Variants in CNTNAP5 observed in about 807,000 individuals in gnomAD.
CNTNAP5 encodes contactin-associated protein-like 5.
In CNTNAP5, 72 loss-of-function variants were observed where a neutral mutation model predicts 150.2. The ratio of observed to expected loss-of-function variants is 0.48; its 90% confidence interval spans 0.40 to 0.58. The LOEUF (loss-of-function observed/expected upper bound fraction) is 0.58, where lower values mean the gene tolerates loss of function less well. Ranked by LOEUF, CNTNAP5 falls within the 20% of genes least tolerant of loss-of-function variation. The probability of loss-of-function intolerance (pLI) is 0.00; values close to 1 mark genes in which losing one functional copy is unlikely to be tolerated. For synonymous variants in CNTNAP5, 672 were observed against 619.8 expected (o/e 1.08, Z -1.25); for missense variants, 1,636 against 1,626.2 (o/e 1.01, Z -0.10).
intron 1 of CNTNAP5, among the ~76,000 whole-genome samples, chr2:124,200,442 T>C (rs1316122651): frequency 6.6e-6 from 1 of 152,198 alleles, no homozygotes; most frequent in East Asian, 1.9e-4. Flanking sequence ...TAATCTTGTT[T>C]AGACTAACCT....
intron 7 of CNTNAP5, among the ~76,000 whole-genome samples, chr2:124,490,853 T>G (rs1694007616): frequency 6.6e-6 from 1 of 152,110 alleles, no homozygotes; most frequent in Non-Finnish European, 1.5e-5. Context: ...ATAAATTAAG[T>G]TACTCTGTTT....
chr2:124,136,126 T>C lies in CNTNAP5; in HGVS notation c.83-85579T>C, dbSNP rs142300979. Among the ~76,000 whole-genome samples the C allele has an allele frequency of 5.3e-4, 80 of 152,346 alleles. 1 individual carries two copies. In the East Asian group the frequency reaches 7.5e-3, roughly 14 times the overall value. ...TAAATAGAGACACCTATTTTTTCCC[T>C]GAGAATGTAATCTTGTCTTGTAATC... is the stretch of plus-strand genomic sequence containing the variant. On this transcript the variant is annotated intron_variant, in intron 1 of 23. Coordinates refer to ENST00000682447, the MANE Select transcript of CNTNAP5 (RefSeq NM_001367498.1).
At chr2:124,156,037 TA>T (rs1410195506) in intron 1 of CNTNAP5, among the ~76,000 whole-genome samples, 1 of 152,186 alleles carries the variant, frequency 6.6e-6, no homozygotes, top group Non-Finnish European at 1.5e-5. Flanking sequence ...AAAGTGCATC[TA>T]AAAAAGGGTT....
At chr2:124,269,698 C>T (rs780031) in intron 3 of CNTNAP5, among the ~76,000 whole-genome samples, 44,755 of 152,048 alleles carry the variant, frequency 0.29, 7,210 homozygotes, top group Admixed American at 0.38. Flanking sequence ...GGCAGCTGCA[C>T]AATTGGTAGC....
At chr2:124,400,886 T>C (rs1434376787) in intron 3 of CNTNAP5, among the ~76,000 whole-genome samples, 1 of 152,038 alleles carries the variant, frequency 6.6e-6, no homozygotes, top group Non-Finnish European at 1.5e-5. Flanking sequence ...ATTACTTTTT[T>C]TTTGAGACCG....
chr2:124,748,133 C>A (rs1680648874), intron 14 of CNTNAP5, among the ~76,000 whole-genome samples: 1 of 152,028 alleles, frequency 6.6e-6, no homozygotes, highest in Non-Finnish European at 1.5e-5. Context: ...CCAGCCTTCC[C>A]TTTTGCTACC....
At chr2:124,451,051 A>AAAT (rs1360743225) in intron 6 of CNTNAP5, among the ~76,000 whole-genome samples, 49 of 65,288 alleles carry the variant, frequency 7.5e-4, no homozygotes, top group Non-Finnish European at 1.1e-3. Context: ...AAAAAAAAAA[A>AAAT]ATATATATAT....
chr2:124,027,586 A>G (rs185548446), intron 1 of CNTNAP5, among the ~76,000 whole-genome samples: 107 of 152,356 alleles, frequency 7.0e-4, no homozygotes, highest in Admixed American at 1.6e-3. Flanking sequence ...GTGTTTTAAA[A>G]ATGCTCATAA....
At chr2:124,054,733 C>A (rs1359683199) in intron 1 of CNTNAP5, among the ~76,000 whole-genome samples, 1 of 152,166 alleles carries the variant, frequency 6.6e-6, no homozygotes, top group Non-Finnish European at 1.5e-5. Flanking sequence ...ATATAACTCA[C>A]AGCACTCAAG....
chr2:124,122,639 AAGTCAC>A (rs1683591391), intron 1 of CNTNAP5, among the ~76,000 whole-genome samples: 1 of 152,184 alleles, frequency 6.6e-6, no homozygotes, highest in Admixed American at 6.6e-5. Flanking sequence ...GAAAAGGCAC[AAGTCAC>A]AGAGCTTCGA....
intron 3 of CNTNAP5, among the ~76,000 whole-genome samples, chr2:124,330,845 A>G (rs1689333792): frequency 6.6e-6 from 1 of 152,208 alleles, no homozygotes; most frequent in African/African-American, 2.4e-5. Context: ...AATGCTTAAA[A>G]AATGTCTTTT....
At chr2:124,432,391 C>T (rs1323960948) in intron 4 of CNTNAP5, among the ~76,000 whole-genome samples, 1 of 152,120 alleles carries the variant, frequency 6.6e-6, no homozygotes, top group East Asian at 1.9e-4. Context: ...ACACTGGGTC[C>T]CTCCTTTCCC....
chr2:124,858,702 G>A (rs956592688), intron 19 of CNTNAP5, among the ~76,000 whole-genome samples: 1 of 151,988 alleles, frequency 6.6e-6, no homozygotes, highest in African/African-American at 2.4e-5. Flanking sequence ...AGCATACAAT[G>A]GATACACAAA....
At chr2:124,691,826 T>A in intron 13 of CNTNAP5, among the ~76,000 whole-genome samples, 1 of 152,106 alleles carries the variant, frequency 6.6e-6, no homozygotes, top group East Asian at 1.9e-4. Context: ...TCTGTGAGGA[T>A]GTCCACCAGC....
At chr2:124,443,097 G>A (rs10201903) in intron 5 of CNTNAP5, among the ~76,000 whole-genome samples, 2,153 of 152,078 alleles carry the variant, frequency 0.014, 52 homozygotes, top group African/African-American at 0.049. Context: ...AAATACGCTT[G>A]TGCCCAAGCG....
chr2:124,755,921 A>ATTTGTCACTTTAATAAGTGACAAAT (rs1680831160), intron 14 of CNTNAP5, among the ~76,000 whole-genome samples: 1 of 152,178 alleles, frequency 6.6e-6, no homozygotes, highest in Non-Finnish European at 1.5e-5. Context: ...GTCACTTATT[A>ATTTGTCACTTTAATAAGTGACAAAT]ACTAGAAAGC....
chr2:124,661,029 T>C (rs1231998394), intron 13 of CNTNAP5, among the ~76,000 whole-genome samples: 1 of 151,502 alleles, frequency 6.6e-6, no homozygotes, highest in Non-Finnish European at 1.5e-5. Flanking sequence ...GGACTAAAAG[T>C]TGAAAGTTGC....
chr2:124,580,744 T>C (rs1354124248), intron 11 of CNTNAP5, among the ~76,000 whole-genome samples: 1 of 152,228 alleles, frequency 6.6e-6, no homozygotes, highest in African/African-American at 2.4e-5. Flanking sequence ...TATAGACCTA[T>C]GCATGTGTGT....
At chr2:124,488,554 G>A (rs765758925) in intron 7 of CNTNAP5, among the ~76,000 whole-genome samples, 1 of 152,172 alleles carries the variant, frequency 6.6e-6, no homozygotes, top group Non-Finnish European at 1.5e-5. Flanking sequence ...TAATCACTGA[G>A]TTTCTAAATG....
Sources: allele counts gnomAD v4.1 joint callset (sites outside exome capture counted in the v4.1 genomes callset), GRCh38; gene constraint gnomAD v4.1.1; transcripts MANE v1.5; gene names NCBI Gene and HGNC (gene_info 2026-07-23, HGNC 2026-07-21).